Variants in PPARGC1A observed in about 807,000 individuals in gnomAD.
The protein encoded by PPARGC1A is PPARG coactivator 1 alpha, also known as peroxisome proliferator-activated receptor gamma coactivator 1-alpha.
PPARGC1A carries 25 observed loss-of-function variants against 88.7 expected under a neutral mutation model. The observed-to-expected ratio is 0.28, with a 90% CI of 0.21 to 0.39. The LOEUF (loss-of-function observed/expected upper bound fraction) is 0.39, where lower values mean the gene tolerates loss of function less well. Ranked by LOEUF, PPARGC1A falls within the 10% of genes least tolerant of loss-of-function variation. The pLI is 1.00. For missense variants in PPARGC1A, 880 were observed against 968.7 expected (o/e 0.91, Z 1.22); for synonymous variants, 363 against 355.6 (o/e 1.02, Z -0.24).
At chr4:24,458,374 G>A in the PPARGC1A span, among the ~76,000 whole-genome samples, 7 of 152,240 alleles carry the variant, frequency 4.6e-5, no homozygotes, top group African/African-American at 9.6e-5. Context: ...AGTGGCACAC[G>A]CCTGTAGTCC....
intron 2 of PPARGC1A, among the ~76,000 whole-genome samples, chr4:23,873,192 C>G (rs1327135454): frequency 1.5e-5 from 1 of 68,640 alleles, no homozygotes. Flanking sequence ...AGCGAGACTC[C>G]GTCTCAAAAA....
chr4:23,805,199 G>T (rs1719570529), intron 10 of PPARGC1A, among the ~76,000 whole-genome samples: 1 of 150,882 alleles, frequency 6.6e-6, no homozygotes, highest in East Asian at 1.9e-4. Context: ...ATACAAAGGA[G>T]AAGGGAAGTT....
chr4:24,204,879 A>G, the PPARGC1A span, among the ~76,000 whole-genome samples: 1 of 152,096 alleles, frequency 6.6e-6, no homozygotes, highest in East Asian at 1.9e-4. Flanking sequence ...GCTGGAATGC[A>G]GTGGCGCAAT....
At chr4:23,921,947 G>C in the PPARGC1A span, among the ~76,000 whole-genome samples, 14 of 152,310 alleles carry the variant, frequency 9.2e-5, no homozygotes, top group Admixed American at 8.5e-4. Context: ...CCCAGGGACA[G>C]AGAATAATAC....
At chr4:23,806,058 C>T (rs1046976157) in intron 10 of PPARGC1A, among the ~76,000 whole-genome samples, 5 of 152,090 alleles carry the variant, frequency 3.3e-5, no homozygotes, top group African/African-American at 9.7e-5. Context: ...AAGATATAAC[C>T]TAGAGGGGAG....
At chr4:24,035,892 G>A in the PPARGC1A span, among the ~76,000 whole-genome samples, 345 of 152,282 alleles carry the variant, frequency 2.3e-3, 1 homozygote, top group African/African-American at 8.0e-3. Context: ...TCATAAGCTT[G>A]AAAAATTGTG....
chr4:24,322,215 T>C, the PPARGC1A span, among the ~76,000 whole-genome samples: 1 of 152,376 alleles, frequency 6.6e-6, no homozygotes, highest in South Asian at 2.1e-4. Flanking sequence ...AATGGTTTTT[T>C]AAATTAGTGA....
the PPARGC1A span, among the ~76,000 whole-genome samples, chr4:24,057,456 TAAAAA>T: frequency 6.1e-4 from 85 of 139,450 alleles, no homozygotes; most frequent in Middle Eastern, 7.5e-3. Context: ...TAAGATGGTT[TAAAAA>T]AAAAAAAAAA....
chr4:24,319,251 G>T, the PPARGC1A span, among the ~76,000 whole-genome samples: 3 of 152,108 alleles, frequency 2.0e-5, no homozygotes, highest in Admixed American at 6.5e-5. Context: ...CTGAGGTGGG[G>T]GGATCCCTTG....
chr4:24,229,152 CTTTTTT>C, the PPARGC1A span, among the ~76,000 whole-genome samples: 2 of 60,894 alleles, frequency 3.3e-5, no homozygotes, highest in East Asian at 5.7e-4. Context: ...GTATCTGGAC[CTTTTTT>C]TTTTTTTTTT....
the PPARGC1A span, among the ~76,000 whole-genome samples, chr4:24,470,326 T>TACACACACA: frequency 9.1e-6 from 1 of 110,320 alleles, no homozygotes; most frequent in Non-Finnish European, 1.9e-5. The surrounding 1 kb of genome is among the most constrained non-coding windows in gnomAD (Gnocchi z 5.8). Flanking sequence ...ACACACACAC[T>TACACACACA]CTCTCACACA....
chr4:23,924,367 T>C, the PPARGC1A span, among the ~76,000 whole-genome samples: 1 of 152,156 alleles, frequency 6.6e-6, no homozygotes, highest in Admixed American at 6.5e-5. Context: ...GTGCCTCGTG[T>C]CTGTAATCCT....
chr4:24,381,176 G>A, the PPARGC1A span, among the ~76,000 whole-genome samples: 204 of 152,302 alleles, frequency 1.3e-3, 1 homozygote, highest in African/African-American at 4.5e-3. Context: ...AGTGATCTCA[G>A]TTGTGAAATA....
At chr4:24,173,026 T>C in the PPARGC1A span, among the ~76,000 whole-genome samples, 1 of 152,182 alleles carries the variant, frequency 6.6e-6, no homozygotes, top group African/African-American at 2.4e-5. Context: ...ACCTCTAATC[T>C]TTGCCATTAG....
the PPARGC1A span, among the ~76,000 whole-genome samples, chr4:24,437,591 TTTTTTGTTGTTGTTG>T: frequency 7.9e-3 from 1,006 of 127,806 alleles, 14 homozygotes; most frequent in African/African-American, 0.028. Context: ...AAGGCACAGG[TTTTTTGTTGTTGTTG>T]TTGTTGTTGT....
the PPARGC1A span, among the ~76,000 whole-genome samples, chr4:24,443,251 TGG>T: frequency 2.2e-4 from 13 of 60,284 alleles, no homozygotes; most frequent in African/African-American, 6.6e-4. Flanking sequence ...GAAAAATGTA[TGG>T]GTTTTTTTTT....
the PPARGC1A span, among the ~76,000 whole-genome samples, chr4:24,053,123 G>A: frequency 4.6e-5 from 7 of 150,996 alleles, no homozygotes; most frequent in East Asian, 1.9e-4. Context: ...CGCCCGCCTC[G>A]GCCTCCCAAA....
chr4:24,435,309 A>G, the PPARGC1A span, among the ~76,000 whole-genome samples: 71 of 152,292 alleles, frequency 4.7e-4, no homozygotes, highest in African/African-American at 1.6e-3. Context: ...GACATCATAA[A>G]TTACATAAAT....
the PPARGC1A span, among the ~76,000 whole-genome samples, chr4:24,122,414 T>C: frequency 1.4e-4 from 16 of 112,242 alleles, no homozygotes; most frequent in East Asian, 1.7e-3. Flanking sequence ...TGTGTGTGTG[T>C]GCATATATAT....
Sources: gnomAD v4.1 joint callset for allele counts (sites outside exome capture counted in the v4.1 genomes callset) on GRCh38, gnomAD v4.1.1 for gene constraint, Gnocchi (gnomAD v3.1) non-coding constraint, MANE v1.5 for transcripts, NCBI Gene and HGNC (gene_info 2026-07-23, HGNC 2026-07-21) for gene names.